Variants in UBE3D observed in about 807,000 individuals in gnomAD.
UBE3D encodes the protein ubiquitin protein ligase E3D.
A neutral mutation model predicts 49.6 loss-of-function variants in UBE3D; 48 were observed. That is an observed-to-expected ratio of 0.97 (90% CI 0.77 to 1.23). The LOEUF (loss-of-function observed/expected upper bound fraction) is 1.23, where lower values mean the gene tolerates loss of function less well. Among genes scored for constraint, UBE3D ranks in the 50% most tolerant of loss-of-function variants. The probability of loss-of-function intolerance (pLI) is 0.00; values close to 1 mark genes in which losing one functional copy is unlikely to be tolerated. For synonymous variants in UBE3D, 189 were observed against 174.2 expected, an observed-to-expected ratio of 1.08 and a Z score of -0.67; for missense variants, 452 against 468.4, an observed-to-expected ratio of 0.96 and a Z score of 0.32.
chr6:83,013,145 C>T (rs921733888), intron 8 of UBE3D, among the ~76,000 whole-genome samples: 3 of 152,174 alleles, frequency 2.0e-5, no homozygotes, highest in Non-Finnish European at 4.4e-5. Context: ...TGACAGAATG[C>T]TGCTGTGCAG....
At chr6:83,063,907 T>G (rs775643954) in intron 1 of UBE3D, among the ~76,000 whole-genome samples, 1 of 152,114 alleles carries the variant, frequency 6.6e-6, no homozygotes, top group African/African-American at 2.4e-5. Context: ...GAAATGAAAA[T>G]GTATGTCCAA....
At chr6:83,018,169 G>A (rs758881596) in intron 8 of UBE3D, 2 of 151,950 alleles carry the variant, frequency 1.3e-5, no homozygotes, top group South Asian at 2.1e-4. Flanking sequence ...AGACCCTTCC[G>A]TTCTTAGGAT....
At chr6:82,952,828 T>A (rs1189126129) in intron 9 of UBE3D, among the ~76,000 whole-genome samples, 1 of 152,166 alleles carries the variant, frequency 6.6e-6, no homozygotes, top group Non-Finnish European at 1.5e-5. Context: ...GTCTCCAATA[T>A]CAACTTAACA....
At chr6:82,960,186 T>C (rs980684997) in intron 8 of UBE3D, among the ~76,000 whole-genome samples, 1 of 152,192 alleles carries the variant, frequency 6.6e-6, no homozygotes, top group East Asian at 1.9e-4. Flanking sequence ...CACTCCTTCA[T>C]AGGCAAAGGC....
chr6:83,011,216 C>T (rs1780314999), intron 8 of UBE3D, among the ~76,000 whole-genome samples: 1 of 152,158 alleles, frequency 6.6e-6, no homozygotes. Context: ...AAGATATTTT[C>T]TTAGTACAAG....
intron 8 of UBE3D, among the ~76,000 whole-genome samples, chr6:83,001,531 C>T (rs1232594458): frequency 6.6e-6 from 1 of 152,152 alleles, no homozygotes; most frequent in African/African-American, 2.4e-5. Flanking sequence ...TAGGATGTAG[C>T]CTTAGCTTTA....
At chr6:82,924,456 A>G (rs1773597715) in intron 9 of UBE3D, among the ~76,000 whole-genome samples, 1 of 152,216 alleles carries the variant, frequency 6.6e-6, no homozygotes, top group South Asian at 2.1e-4. Context: ...ACTAGAATTT[A>G]TTATGACAAC....
intron 4 of UBE3D, among the ~76,000 whole-genome samples, chr6:83,038,831 TTGA>T (rs1345077020): frequency 1.3e-5 from 2 of 151,734 alleles, no homozygotes; most frequent in Non-Finnish European, 2.9e-5. Flanking sequence ...AAAGACAGGG[TTGA>T]TGACTTGCCC....
chr6:83,013,877 T>C (rs1780517145), intron 8 of UBE3D, among the ~76,000 whole-genome samples: 1 of 152,226 alleles, frequency 6.6e-6, no homozygotes, highest in African/African-American at 2.4e-5. Flanking sequence ...CAGACCAGTG[T>C]GATATCTTGC....
chr6:82,952,754 A>T (rs1235230243), intron 9 of UBE3D, among the ~76,000 whole-genome samples: 2 of 152,122 alleles, frequency 1.3e-5, no homozygotes, highest in Non-Finnish European at 2.9e-5. Context: ...TCCCCTCTCT[A>T]CCCAAAGAGA....
the UBE3D span, among the ~76,000 whole-genome samples, chr6:82,885,661 G>T: frequency 6.6e-6 from 1 of 152,002 alleles, no homozygotes; most frequent in African/African-American, 2.4e-5. Context: ...GCCCTCAAGG[G>T]TACAAAAAAT....
At chr6:82,975,403 C>T (rs1777644208) in intron 8 of UBE3D, among the ~76,000 whole-genome samples, 1 of 152,128 alleles carries the variant, frequency 6.6e-6, no homozygotes, top group South Asian at 2.1e-4. Context: ...CCATATCCTT[C>T]TGTGTAAATG....
intron 9 of UBE3D, among the ~76,000 whole-genome samples, chr6:82,956,782 T>C (rs1297509865): frequency 6.6e-6 from 1 of 152,162 alleles, no homozygotes; most frequent in Non-Finnish European, 1.5e-5. Flanking sequence ...CTGCCACAAC[T>C]AGACAATTAC....
intron 8 of UBE3D, among the ~76,000 whole-genome samples, chr6:82,990,120 A>T (rs1396413867): frequency 6.6e-6 from 1 of 152,190 alleles, no homozygotes. Flanking sequence ...TTACTGTGGG[A>T]CAGGAATTTG....
intron 9 of UBE3D, among the ~76,000 whole-genome samples, chr6:82,899,159 A>G (rs1771547610): frequency 6.6e-6 from 1 of 152,168 alleles, no homozygotes; most frequent in Non-Finnish European, 1.5e-5. Context: ...GGAGTTTGGC[A>G]CACACTTGAT....
Position 82,926,361 on chromosome 6 carries a change from C to T in UBE3D, c.1149+30951G>A, listed in dbSNP as rs569540220. Among the ~76,000 whole-genome samples the T allele has an allele frequency of 2.6e-5, 4 of 152,150 alleles. No individual in the cohort carries two copies. The Middle Eastern group carries it at 0.014, about 518-fold the overall frequency. ...TATGTATCATAGTTTATCCATTCAC[C>T]TATAGAAGAGACTGTTACTTGCTTG... On this transcript the variant is annotated intron_variant, in intron 9 of 9. Transcript: ENST00000369747.
chr6:82,966,649 C>CAA (rs1204365470), intron 8 of UBE3D, among the ~76,000 whole-genome samples: 255 of 24,260 alleles, frequency 0.011, 6 homozygotes, highest in Middle Eastern at 0.028. Flanking sequence ...GACTCCGTCT[C>CAA]AAAAAAAAAA....
At chr6:82,988,628 C>T (rs570862111) in intron 8 of UBE3D, among the ~76,000 whole-genome samples, 3 of 152,216 alleles carry the variant, frequency 2.0e-5, no homozygotes, top group African/African-American at 7.2e-5. Context: ...TCAGATAGAG[C>T]ATGTGGGCTG....
intron 9 of UBE3D, among the ~76,000 whole-genome samples, chr6:82,935,997 GT>G (rs1212053935): frequency 1.3e-5 from 2 of 151,870 alleles, no homozygotes; most frequent in African/African-American, 2.4e-5. Context: ...GGATTTTTGT[GT>G]TTTTAAGTGG....
Sources: gnomAD v4.1 joint callset for allele counts (sites outside exome capture counted in the v4.1 genomes callset) on GRCh38, gnomAD v4.1.1 for gene constraint, MANE v1.5 for transcripts, NCBI Gene and HGNC (gene_info 2026-07-23, HGNC 2026-07-21) for gene names.